MYO7B: variants seen among roughly 807,000 people sequenced by gnomAD.
MYO7B encodes unconventional myosin-VIIb.
Under a neutral mutation model 259.7 loss-of-function variants are expected in MYO7B, and 212 were observed. The ratio of observed to expected loss-of-function variants is 0.82; its 90% CI spans 0.73 to 0.91. The LOEUF (loss-of-function observed/expected upper bound fraction) is 0.91. Ranked by LOEUF, MYO7B falls within the 40% of genes least tolerant of loss-of-function variation. MYO7B has a pLI of 0.00. For missense variants in MYO7B, 2,732 were observed against 2,813.5 expected (o/e 0.97, Z 0.66); for synonymous variants, 1,197 against 1,166.4 (o/e 1.03, Z -0.54).
chr2:127,612,435 G>A (rs1558835418), intron 25 of MYO7B, 41 bp from the exon 26 acceptor site: 3 of 1,550,950 alleles, frequency 1.9e-6, no homozygotes, highest in South Asian at 2.4e-5. Context: ...GGCAGATGGG[G>A]AGAATCATAG....
Position 127,611,062 on chromosome 2 carries a change from G to C in MYO7B, c.3192+1046G>C, listed in dbSNP as rs2105038547. On this transcript the variant is annotated intron_variant, in intron 24 of 47. Transcript: ENST00000409816. This position sits in a 1 kb window ranked among gnomAD's most constrained non-coding sequence, Gnocchi z 5.4. ...GAGGTTGCTGTCAAGCTGTCCCCTGGGGATGGTGTCATCTGAAAGCTTGAC... is the reference window on the plus strand; with the variant it reads ...GAGGTTGCTGTCAAGCTGTCCCCTGCGGATGGTGTCATCTGAAAGCTTGAC... Among the ~76,000 whole-genome samples the C allele has an allele frequency of 1.3e-5, 2 of 152,338 alleles. 1 individual carries two copies. Among genetic ancestry groups the C allele is most frequent in the South Asian group, 4.1e-4 (2 of 4,828 alleles).
At chr2:127,633,222 G>A (rs184835175) in intron 39 of MYO7B, 36 bp from the exon 40 acceptor site, 1 of 1,511,456 alleles carries the variant, frequency 6.6e-7, no homozygotes, top group Non-Finnish European at 9.1e-7. Flanking sequence ...GGATGAGGGT[G>A]GGGGTGGCAC....
intron 22 of MYO7B, 27 bp downstream of exon 22, chr2:127,608,905 C>CAA (rs1680266943): frequency 6.3e-7 from 1 of 1,598,582 alleles, no homozygotes; most frequent in African/African-American, 1.3e-5. Context: ...GTCCACAATC[C>CAA]GCCCCGGGTG....
chr2:127,620,935 C>A (rs1680811062), intron 27 of MYO7B, among the ~76,000 whole-genome samples: 1 of 152,216 alleles, frequency 6.6e-6, no homozygotes, highest in Admixed American at 6.5e-5. Context: ...TGTGGAAATG[C>A]AGAACATCTA....
At chr2:127,567,037 G>T (rs1388754215) in intron 5 of MYO7B, among the ~76,000 whole-genome samples, 1 of 152,222 alleles carries the variant, frequency 6.6e-6, no homozygotes, top group Non-Finnish European at 1.5e-5. Flanking sequence ...CGTGTCACCA[G>T]GGACTGGACT....
At position 127,628,041 on chromosome 2, in the gene MYO7B, G is replaced by C. The variant is rs1295771067; in HGVS notation, c.4461-331G>C. 1 of 531,894 alleles carries C rather than the reference G, an allele frequency of 1.9e-6. No individual in the cohort carries two copies. The highest frequency in any genetic ancestry group is 3.6e-6 in the Non-Finnish European group (1 of 276,234). The allele number at this position is 531,894 out of a possible 1,614,324, so 32.9% of individuals were successfully genotyped here. A position where few individuals can be genotyped will look rare whatever the true frequency, so the allele number is the denominator to read the frequency against. On this transcript the variant is annotated intron_variant, in intron 33 of 47. Transcript: ENST00000409816. This position sits in a 1 kb window ranked among gnomAD's most constrained non-coding sequence, Gnocchi z 4.8. ...AAGCACGCCGAGGTTAGGTGGCTCA[G>C]AGTAAGCACATGGCAGAGCCGGCAG... is the stretch of plus-strand genomic sequence containing the variant.
chr2:127,631,120 C>A, intron 36 of MYO7B, 86 bp from the exon 37 acceptor site: 1 of 1,463,306 alleles, frequency 6.8e-7, no homozygotes, highest in Non-Finnish European at 9.1e-7. Context: ...GGCCCTCCCA[C>A]AGCCACTCAG....
At position 127,637,339 on chromosome 2, in the gene MYO7B, G is replaced by A; in HGVS notation, c.6351G>A (p.Leu2117=). The change falls in exon 48 of 48, where the codon CTG becomes CTA. Residue 2117 remains leucine, a synonymous_variant. Transcript: ENST00000409816. ...AGGGCTATAAGATGGATGACCTGCT[G>A]ACCTCATATGTGCAGCAGCTCCTGA... The part of the protein sequence containing the change: ...TSLGYKMDDL[L]TSYVQQLLSA... The A allele has an allele frequency of 6.3e-7, 1 of 1,592,658 alleles. No homozygotes were observed. The highest frequency in any genetic ancestry group is 8.5e-7 in the Non-Finnish European group (1 of 1,169,730).
At chr2:127,542,530 C>T (rs1051531413) in intron 1 of MYO7B, among the ~76,000 whole-genome samples, 1 of 152,204 alleles carries the variant, frequency 6.6e-6, no homozygotes, top group Non-Finnish European at 1.5e-5. Flanking sequence ...CAGACAACCC[C>T]TGTTGACAGT....
chr2:127,569,044 C>T (rs1573633040), intron 5 of MYO7B, among the ~76,000 whole-genome samples: 1 of 151,942 alleles, frequency 6.6e-6, no homozygotes, highest in Non-Finnish European at 1.5e-5. Context: ...CTTATCTCTA[C>T]TAAAAATATA....
At chr2:127,591,526 C>G (rs773770562) in intron 16 of MYO7B, among the ~76,000 whole-genome samples, 4 of 152,216 alleles carry the variant, frequency 2.6e-5, no homozygotes. Context: ...ATCACCCCCA[C>G]CAGGTAGGAA....
rs746563497 is a variant in MYO7B at position 127,636,201 on chromosome 2, C to T, written c.6007-7C>T. On this transcript the variant is annotated splice_polypyrimidine_tract_variant and splice_region_variant and intron_variant, in intron 44 of 47. Coordinates refer to ENST00000409816, the MANE Select transcript of MYO7B (RefSeq NM_001393586.1). The surrounding 1 kb of genome is among the most constrained non-coding windows in gnomAD (Gnocchi z 4.5). Reference sequence around the variant, plus strand: ...CCCAAGTCCTTACTGGCCCTCCTGTCCCCCAGAGCATCCTTCTAGCCTATG... The same window carrying T: ...CCCAAGTCCTTACTGGCCCTCCTGTTCCCCAGAGCATCCTTCTAGCCTATG... 2.4e-5 allele frequency: 39 copies of T among 1,607,356 alleles called. No homozygotes were observed. Among genetic ancestry groups the T allele is most frequent in the Non-Finnish European group, 3.2e-5 (38 of 1,175,082 alleles).
At chr2:127,602,574 C>T (rs1680002697) in intron 19 of MYO7B, among the ~76,000 whole-genome samples, 1 of 152,168 alleles carries the variant, frequency 6.6e-6, no homozygotes, top group Non-Finnish European at 1.5e-5. Flanking sequence ...TCCTTGAGGC[C>T]AGGAGTTCAA....
chr2:127,543,393 A>G (rs999315067), intron 1 of MYO7B, among the ~76,000 whole-genome samples: 4 of 152,076 alleles, frequency 2.6e-5, no homozygotes, highest in Admixed American at 6.5e-5. Flanking sequence ...AACACAGCAC[A>G]TGTTTCTGCG....
chr2:127,631,097 G>T (rs937927144), intron 36 of MYO7B, 109 bp from the exon 37 acceptor site: 16 of 1,427,338 alleles, frequency 1.1e-5, no homozygotes, highest in Non-Finnish European at 1.5e-5. Context: ...CTTGCGGCAG[G>T]GTGGGGTGCT....
chr2:127,596,811 C>T (rs904238837), intron 19 of MYO7B, among the ~76,000 whole-genome samples: 6 of 152,242 alleles, frequency 3.9e-5, no homozygotes, highest in African/African-American at 7.2e-5. Flanking sequence ...GGGGCAGCCC[C>T]GCTCTCAACC....
chr2:127,565,285 A>C lies in MYO7B; in HGVS notation c.185A>C (p.Asn62Thr). 6.2e-7 allele frequency: 1 copy of C among 1,613,900 alleles called. No individual in the cohort carries two copies. Among genetic ancestry groups the C allele is most frequent in the Non-Finnish European group, 8.5e-7 (1 of 1,179,838 alleles). Residue 62 changes from asparagine to threonine, a missense_variant, in exon 4 of 48, where the codon AAC becomes ACC. Asn to Thr is a moderately conservative substitution (Grantham distance 65). This residue lies in a region of MYO7B where 1,906 missense variants were observed against 2,026.4 expected (regional missense o/e 0.94). Coordinates refer to ENST00000409816, the MANE Select transcript of MYO7B (RefSeq NM_001393586.1). ...DFGVLSPMHPNSVQGVDDMIR... is the reference protein window; with the variant it reads ...DFGVLSPMHPTSVQGVDDMIR... ...GGTGTCCTCAGTCCCATGCACCCCA[A>C]CTCAGTCCAGGGTGTGGACGACATG...
intron 37 of MYO7B, 25 bp from the exon 38 acceptor site, chr2:127,631,575 G>C: frequency 6.2e-7 from 1 of 1,611,456 alleles, no homozygotes; most frequent in Non-Finnish European, 8.5e-7. Context: ...GGCTGCCCCA[G>C]CACTGTGCTC....
Position 127,625,496 on chromosome 2 carries a change from A to C in MYO7B, c.4176A>C (p.Pro1392=). The change falls in exon 31 of 48, where the codon CCA becomes CCC. Residue 1392 remains proline (P), a synonymous_variant. Coordinates refer to ENST00000409816, the MANE Select transcript of MYO7B (RefSeq NM_001393586.1). ...IPHKLYRTKP[P]DRWASLVTAA... is the part of the protein sequence containing the mutation. ...ACAAGCTGTACAGGACCAAGCCCCC[A>C]GACAGGTGGGCGAGCCTCGTCACTG... 1 of 1,609,670 alleles carries C rather than the reference A, an allele frequency of 6.2e-7. No homozygotes were observed. The highest frequency in any genetic ancestry group is 8.5e-7 in the Non-Finnish European group (1 of 1,178,478).
Sources: gnomAD v4.1 joint callset for allele counts (sites outside exome capture counted in the v4.1 genomes callset) on GRCh38, gnomAD v4.1.1 for gene constraint, gnomAD v4.1.1 regional missense constraint, Gnocchi (gnomAD v3.1) non-coding constraint, MANE v1.5 for transcripts, NCBI Gene and HGNC (gene_info 2026-07-23, HGNC 2026-07-21) for gene names.